IFT140: variants seen among roughly 807,000 people sequenced by gnomAD.
IFT140 encodes the protein intraflagellar transport 140, also known as intraflagellar transport protein 140 homolog.
A neutral mutation model predicts 164.6 loss-of-function variants in IFT140; 133 were observed. The ratio of observed to expected loss-of-function variants is 0.81; its 90% CI spans 0.70 to 0.93. IFT140 has a LOEUF of 0.93. Among genes scored for constraint, IFT140 ranks in the 40% least tolerant of loss-of-function variants. The pLI is 0.00. For missense variants in IFT140, 2,045 were observed against 1,972.3 expected, an observed-to-expected ratio of 1.04 and a Z score of -0.70; for synonymous variants, 860 against 817.3, an observed-to-expected ratio of 1.05 and a Z score of -0.89.
At chr16:1,546,583 G>A (rs1229303049) in intron 19 of IFT140, among the ~76,000 whole-genome samples, 3 of 152,160 alleles carry the variant, frequency 2.0e-5, no homozygotes, top group African/African-American at 2.4e-5. Context: ...CTTCAGGCCC[G>A]AGGCGCATCC....
In IFT140 at chr16:1,612,016, T is replaced by C. The variant is rs2036334028; in HGVS notation, c.-270A>G. 6.6e-6 allele frequency: 1 copy of C among 152,208 alleles called. No individual in the cohort carries two copies. Among genetic ancestry groups the C allele is most frequent in the Admixed American group, 6.5e-5 (1 of 15,274 alleles). 9.4% of individuals were successfully genotyped at this position (152,208 alleles called of 1,614,324 possible). On this transcript the variant is annotated 5_prime_UTR_variant, in exon 1 of 31. Transcript: ENST00000426508. ...TCTCAGAACTCAGGTTCGCGCCCGATTCCACACTCCGAGCTACCACGCCGT... is the reference window on the plus strand; with the variant it reads ...TCTCAGAACTCAGGTTCGCGCCCGACTCCACACTCCGAGCTACCACGCCGT...
intron 30 of IFT140, 37 bp downstream of exon 30, chr16:1,518,179 G>T (rs746030317): frequency 6.4e-7 from 1 of 1,573,814 alleles, no homozygotes; most frequent in Non-Finnish European, 8.6e-7. Flanking sequence ...AGCCTTGTGT[G>T]GCGGGATGCT....
intron 16 of IFT140, among the ~76,000 whole-genome samples, chr16:1,565,545 C>G (rs2033665981): frequency 6.6e-6 from 1 of 152,216 alleles, no homozygotes; most frequent in South Asian, 2.1e-4. Flanking sequence ...CCGAGCCCAG[C>G]CTTGTAACTG....
At chr16:1,609,325 T>G (rs1327821765) in intron 2 of IFT140, among the ~76,000 whole-genome samples, 1 of 152,194 alleles carries the variant, frequency 6.6e-6, no homozygotes, top group Admixed American at 6.5e-5. Context: ...CTAATTGCTT[T>G]CTTTCCTGCC....
Position 1,518,354 on chromosome 16 carries a change from C to T in IFT140, c.4044G>A (p.Thr1348=), listed in dbSNP as rs1034482228. The T allele has an allele frequency of 8.7e-6, 14 of 1,613,104 alleles. No homozygotes were observed. Among genetic ancestry groups the T allele is most frequent in the African/African-American group, 5.3e-5 (4 of 74,896 alleles). Residue 1348 remains threonine (T), a synonymous_variant, in exon 30 of 31, where the codon ACG becomes ACA. Coordinates refer to ENST00000426508, the MANE Select transcript of IFT140 (RefSeq NM_014714.4). ...TGGACTCCTTGGGGTCCTCTGTGTACGTCCTGCCGAGAGCAGAGATGAGGC... is the reference window on the plus strand; with the variant it reads ...TGGACTCCTTGGGGTCCTCTGTGTATGTCCTGCCGAGAGCAGAGATGAGGC... ...LVKRFIQARR[T]YTEDPKESIK...
chr16:1,544,663 T>C (rs574902208), intron 19 of IFT140, among the ~76,000 whole-genome samples: 2 of 151,994 alleles, frequency 1.3e-5, no homozygotes, highest in South Asian at 4.2e-4. Flanking sequence ...TTTTTTCTTT[T>C]TTTGAGATGG....
chr16:1,520,816 G>A lies in IFT140; in HGVS notation c.3454-8C>T, dbSNP rs892113982. 2 of 1,600,046 alleles carry A rather than the reference G, an allele frequency of 1.2e-6. No homozygotes were observed. Among genetic ancestry groups the A allele is most frequent in the African/African-American group, 1.3e-5 (1 of 74,930 alleles). ...CTGCAGGGCTTCCTGATACTGCAAA[G>A]GTGCAGAAATGGGACGGGGCTGCCG... On this transcript the variant is annotated splice_polypyrimidine_tract_variant and splice_region_variant and intron_variant, in intron 26 of 30. Transcript: ENST00000426508.
chr16:1,557,838 A>G (rs546151580), intron 19 of IFT140, 97 bp downstream of exon 19: 2 of 1,235,282 alleles, frequency 1.6e-6, no homozygotes, highest in African/African-American at 1.5e-5. Context: ...TGAGGAGTCA[A>G]ATATTTCAAC....
chr16:1,590,062 G>T (rs541016837), intron 6 of IFT140, among the ~76,000 whole-genome samples: 1 of 152,088 alleles, frequency 6.6e-6, no homozygotes. Context: ...CCAGGCGGGC[G>T]TGGTGGTATG....
At position 1,523,812 on chromosome 16, in the gene IFT140, G is replaced by T. The variant is rs1482911649; in HGVS notation, c.3270+16C>A. 6.2e-7 allele frequency: 1 copy of T among 1,610,508 alleles called. No individual in the cohort carries two copies. Among genetic ancestry groups the T allele is most frequent in the South Asian group, 1.1e-5 (1 of 90,852 alleles). On this transcript the variant is annotated intron_variant, in intron 25 of 30. Transcript: ENST00000426508. ...GCTGCCCCTCCCCCAGGTCCCCACC[G>T]GTGGCCAGCCCTCACCTTGTGGTAC...
chr16:1,531,728 G>C lies in IFT140; in HGVS notation c.2400-4932C>G, dbSNP rs2030515055. 1 of 152,326 alleles carries C rather than the reference G, an allele frequency of 6.6e-6. No homozygotes were observed. The highest frequency in any genetic ancestry group is 2.4e-5 in the African/African-American group (1 of 41,478). 9.4% of individuals were successfully genotyped at this position (152,326 alleles called of 1,614,324 possible). ...GTTAGAAGCGGCGTGACAGCTGAGG[G>C]CACAGGGACCTGGAGCACCCCAGAA... On this transcript the variant is annotated intron_variant, in intron 19 of 30. Transcript: ENST00000426508. The surrounding 1 kb of genome is among the most constrained non-coding windows in gnomAD (Gnocchi z 4.7).
At chr16:1,521,991 G>A (rs1262989267) in intron 26 of IFT140, among the ~76,000 whole-genome samples, 1 of 151,748 alleles carries the variant, frequency 6.6e-6, no homozygotes, top group Non-Finnish European at 1.5e-5. Context: ...GGGAGGCCGA[G>A]GTAGGTAAAT....
chr16:1,607,000 G>GTATACACAC, intron 3 of IFT140, 120 bp downstream of exon 3: 2 of 936,602 alleles, frequency 2.1e-6, no homozygotes, highest in Non-Finnish European at 3.3e-6. Context: ...ACAGATGCAT[G>GTATACACAC]TATACACACA....
chr16:1,595,926 G>A lies in IFT140; in HGVS notation c.370-3338C>T, dbSNP rs996589423. Among the ~76,000 whole-genome samples the A allele has an allele frequency of 6.6e-5, 10 of 151,836 alleles. No homozygotes were observed. The South Asian group carries it at 1.2e-3, about 19-fold the overall frequency. ...ATATTAGCTGGGTGTGATGGTGCAC[G>A]CCTGCTGTAATCCCAGCTACTTGGG... On this transcript the variant is annotated intron_variant, in intron 4 of 30. Transcript: ENST00000426508.
chr16:1,535,740 T>A (rs749135317), intron 19 of IFT140, among the ~76,000 whole-genome samples: 2 of 152,232 alleles, frequency 1.3e-5, no homozygotes, highest in African/African-American at 2.4e-5. Context: ...AACCCCCTTG[T>A]CCACTCAAAG....
chr16:1,520,768 CT>C lies in IFT140; in HGVS notation c.3493del (p.Ser1165AlafsTer10). ...ALQLCLGQNM[S>X]ITEEMAEKMT... Reference sequence around the variant, plus strand: ...CTTTTCCGCCATCTCCTCGGTGATGCTCATGTTCTGCCCCAGGCACAGCTGC... The same window carrying C: ...CTTTTCCGCCATCTCCTCGGTGATGCCATGTTCTGCCCCAGGCACAGCTGC... On this transcript the variant is annotated frameshift_variant, in exon 27 of 31. Coordinates refer to ENST00000426508, the MANE Select transcript of IFT140 (RefSeq NM_014714.4). LOFTEE classifies it high-confidence loss of function. 4 of 1,607,746 alleles carry C rather than the reference CT, an allele frequency of 2.5e-6. No individual in the cohort carries two copies. The highest frequency in any genetic ancestry group is 3.4e-6 in the Non-Finnish European group (4 of 1,179,992).
At chr16:1,606,329 T>G (rs1421899880) in intron 3 of IFT140, among the ~76,000 whole-genome samples, 1 of 152,244 alleles carries the variant, frequency 6.6e-6, no homozygotes, top group Non-Finnish European at 1.5e-5. Context: ...GGCTTAATGC[T>G]GATAAGCATG....
intron 4 of IFT140, among the ~76,000 whole-genome samples, chr16:1,595,948 T>G (rs1182489727): frequency 6.6e-6 from 1 of 151,514 alleles, no homozygotes; most frequent in Non-Finnish European, 1.5e-5. Context: ...CCCAGCTACT[T>G]GGGAGGCTGA....
In IFT140 at chr16:1,518,226, T is replaced by C. The variant is rs1386350816; in HGVS notation, c.4172A>G (p.Glu1391Gly). 6.0e-5 allele frequency: 96 copies of C among 1,613,314 alleles called. No individual in the cohort carries two copies. The highest frequency in any genetic ancestry group is 7.8e-5 in the Non-Finnish European group (92 of 1,179,932). Reference sequence around the variant, plus strand: ...GCACTCAGGCCTCACCGTCTGGTATTCCTCCTTCCGCACGTAGTGCTCCAC... The same window carrying C: ...GCACTCAGGCCTCACCGTCTGGTATCCCTCCTTCCGCACGTAGTGCTCCAC... Reference protein sequence around the residue: ...FLVEHYVRKEEYQTAYRFLEE... With the variant: ...FLVEHYVRKEGYQTAYRFLEE... Residue 1391 changes from glutamate to glycine, a missense_variant, in exon 30 of 31, where the codon GAA becomes GGA. By Grantham distance (98) the Glu-to-Gly change is moderately conservative. Coordinates refer to ENST00000426508, the MANE Select transcript of IFT140 (RefSeq NM_014714.4).
Sources: allele counts gnomAD v4.1 joint callset (sites outside exome capture counted in the v4.1 genomes callset), GRCh38; gene constraint gnomAD v4.1.1; non-coding constraint Gnocchi (gnomAD v3.1); transcripts MANE v1.5; gene names NCBI Gene and HGNC (gene_info 2026-07-23, HGNC 2026-07-21).